The following RTL4 variants were observed in gnomAD, a reference collection of about 807,000 sequenced individuals.
RTL4 encodes retrotransposon Gag like 4.
Under a neutral mutation model 5.3 loss-of-function variants are expected in RTL4, and 4 were observed. The ratio of observed to expected loss-of-function variants is 0.75; its 90% CI spans 0.37 to 1.72. RTL4 has a LOEUF of 1.72. Ranked by LOEUF, RTL4 falls within the 40% of genes most tolerant of loss-of-function variation. The probability of loss-of-function intolerance (pLI) is 0.04; values close to 1 mark genes in which losing one functional copy is unlikely to be tolerated. For synonymous variants in RTL4, 98 were observed against 87.3 expected, an observed-to-expected ratio of 1.12 and a Z score of -0.68; for missense variants, 260 against 227.1, an observed-to-expected ratio of 1.14 and a Z score of -0.93.
At chrX:112,309,948 G>A in the RTL4 span, among the ~76,000 whole-genome samples, 1 of 104,012 alleles carries the variant, frequency 9.6e-6, no homozygotes, top group East Asian at 3.2e-4. Flanking sequence ...TCAGCTACTT[G>A]GGAGGCTGAG....
the RTL4 span, among the ~76,000 whole-genome samples, chrX:112,427,265 G>A: frequency 9.0e-6 from 1 of 110,919 alleles, no homozygotes. Context: ...TGTATGCCAG[G>A]TACCCAAGGC....
the RTL4 span, among the ~76,000 whole-genome samples, chrX:112,387,243 T>C: frequency 9.0e-6 from 1 of 111,471 alleles, no homozygotes; most frequent in Non-Finnish European, 1.9e-5. Flanking sequence ...ATATTAGTGC[T>C]TTGTTGGATG....
At chrX:112,153,224 A>T in the RTL4 span, among the ~76,000 whole-genome samples, 3 of 111,970 alleles carry the variant, frequency 2.7e-5, no homozygotes, top group Non-Finnish European at 5.7e-5. Flanking sequence ...ATGAGAAATT[A>T]TGTTCTCCAT....
chrX:112,188,783 C>A, the RTL4 span, among the ~76,000 whole-genome samples: 4 of 111,120 alleles, frequency 3.6e-5, no homozygotes, highest in African/African-American at 1.3e-4. Flanking sequence ...AACTATCCCC[C>A]CCGCCTCCCA....
chrX:112,290,964 C>A, the RTL4 span, among the ~76,000 whole-genome samples: 1 of 111,963 alleles, frequency 8.9e-6, no homozygotes, highest in African/African-American at 3.2e-5. Context: ...GGGATATGGT[C>A]ATTGCAATTT....
chrX:112,301,405 A>T, the RTL4 span, among the ~76,000 whole-genome samples: 3 of 112,470 alleles, frequency 2.7e-5, no homozygotes, highest in Admixed American at 2.8e-4. Flanking sequence ...ACTGTGCCTG[A>T]TTGGCACATA....
chrX:112,419,613 A>G, the RTL4 span, among the ~76,000 whole-genome samples: 9 of 31,961 alleles, frequency 2.8e-4, no homozygotes, highest in Admixed American at 4.5e-4. Flanking sequence ...ATGTATATGT[A>G]TATATATATA....
chrX:112,173,499 G>A, the RTL4 span, among the ~76,000 whole-genome samples: 1 of 111,490 alleles, frequency 9.0e-6, no homozygotes, highest in Non-Finnish European at 1.9e-5. Context: ...GACAATAAAA[G>A]CAATCGTGGC....
chrX:112,455,650 G>A (rs1926829251), exon 1 of RTL4: 7 of 1,204,143 alleles, frequency 5.8e-6, no homozygotes, highest in Non-Finnish European at 7.9e-6. Flanking sequence ...AAATAACACA[G>A]CTCACCAGTA....
chrX:112,240,485 G>A, the RTL4 span, among the ~76,000 whole-genome samples: 4 of 111,294 alleles, frequency 3.6e-5, no homozygotes, highest in Non-Finnish European at 7.5e-5. Flanking sequence ...TTACAGTTGG[G>A]TAAAATAATC....
the RTL4 span, among the ~76,000 whole-genome samples, chrX:112,169,068 CTTTTTTCTTTCTTTCT>C: frequency 6.5e-5 from 3 of 45,995 alleles, no homozygotes; most frequent in African/African-American, 7.7e-5. Context: ...TTCTTTCTTT[CTTTTTTCTTTCTTTCT>C]TTTCTTTCTT....
At chrX:112,435,980 G>A in the RTL4 span, among the ~76,000 whole-genome samples, 1 of 111,709 alleles carries the variant, frequency 9.0e-6, no homozygotes, top group Non-Finnish European at 1.9e-5. Flanking sequence ...ATTCCGGGAG[G>A]CCGAGGCGGG....
At chrX:112,415,359 T>C in the RTL4 span, among the ~76,000 whole-genome samples, 5,693 of 54,543 alleles carry the variant, frequency 0.1, 132 homozygotes, top group Admixed American at 0.18. Context: ...GGGATATTTA[T>C]CCTCTTTGTT....
chrX:112,399,560 C>T, the RTL4 span, among the ~76,000 whole-genome samples: 1 of 111,440 alleles, frequency 9.0e-6, no homozygotes, highest in Admixed American at 9.6e-5. Flanking sequence ...TTGGTTTCTT[C>T]CTTGACCCGT....
chrX:112,126,603 A>G, the RTL4 span, among the ~76,000 whole-genome samples: 1 of 112,296 alleles, frequency 8.9e-6, no homozygotes, highest in African/African-American at 3.2e-5. Flanking sequence ...TAGAAAAACA[A>G]TGGAATCAAT....
At chrX:112,347,806 C>T in the RTL4 span, among the ~76,000 whole-genome samples, 1 of 111,417 alleles carries the variant, frequency 9.0e-6, no homozygotes, top group Non-Finnish European at 1.9e-5. Flanking sequence ...GGTAGTTAGT[C>T]CTGCAGGACT....
the RTL4 span, among the ~76,000 whole-genome samples, chrX:112,296,766 C>T: frequency 9.1e-5 from 9 of 98,479 alleles, no homozygotes; most frequent in Non-Finnish European, 1.8e-4. Flanking sequence ...CCTGCCACCA[C>T]GCCCAGCTAA....
the RTL4 span, among the ~76,000 whole-genome samples, chrX:112,242,759 T>C: frequency 8.9e-6 from 1 of 111,797 alleles, no homozygotes; most frequent in African/African-American, 3.3e-5. Context: ...AGAGAGGGTA[T>C]CCCTGTCTTG....
the RTL4 span, among the ~76,000 whole-genome samples, chrX:112,287,875 A>G: frequency 8.9e-6 from 1 of 112,296 alleles, no homozygotes; most frequent in Non-Finnish European, 1.9e-5. Flanking sequence ...AGTACAGTCC[A>G]GTAGATATGT....
Sources: allele counts gnomAD v4.1 joint callset (sites outside exome capture counted in the v4.1 genomes callset), GRCh38; gene constraint gnomAD v4.1.1; transcripts MANE v1.5; gene names NCBI Gene and HGNC (gene_info 2026-07-23, HGNC 2026-07-21).